Variants in XKR9 observed in about 807,000 individuals in gnomAD.
XKR9 encodes the protein XK-related protein 9.
A neutral mutation model predicts 32.0 loss-of-function variants in XKR9; 32 were observed. The ratio of observed to expected loss-of-function variants is 1.00; its 90% CI spans 0.76 to 1.34. The LOEUF is 1.34. Ranked by LOEUF, XKR9 falls within the 40% of genes most tolerant of loss-of-function variation. XKR9 has a pLI of 0.00. For synonymous variants in XKR9, 168 were observed against 143.4 expected (o/e 1.17, Z -1.22); for missense variants, 546 against 429.7 (o/e 1.27, Z -2.39).
At chr8:70,923,600 G>A in the XKR9 span, among the ~76,000 whole-genome samples, 1 of 152,224 alleles carries the variant, frequency 6.6e-6, no homozygotes, top group African/African-American at 2.4e-5. Context: ...ATGTGCAAAA[G>A]TAAGACGTTT....
chr8:70,874,816 T>A, the XKR9 span, among the ~76,000 whole-genome samples: 2 of 152,234 alleles, frequency 1.3e-5, no homozygotes, highest in Non-Finnish European at 2.9e-5. Context: ...TCCCTCATGA[T>A]AATAAAGTGG....
intron 2 of XKR9, among the ~76,000 whole-genome samples, chr8:70,756,944 G>A (rs1478783222): frequency 6.6e-6 from 1 of 152,176 alleles, no homozygotes; most frequent in Non-Finnish European, 1.5e-5. Context: ...GAAGCATCCA[G>A]TCTTGCACCA....
At chr8:70,672,748 C>G (rs1199521494) in intron 1 of XKR9, among the ~76,000 whole-genome samples, 1 of 152,046 alleles carries the variant, frequency 6.6e-6, no homozygotes, top group African/African-American at 2.4e-5. Context: ...TTTTTAATAA[C>G]AGCTATTCTA....
chr8:70,868,013 G>T, the XKR9 span, among the ~76,000 whole-genome samples: 8 of 152,186 alleles, frequency 5.3e-5, no homozygotes, highest in African/African-American at 1.4e-4. Flanking sequence ...CTCCAAAATG[G>T]TGTCTTTTGA....
At chr8:70,857,219 A>G in the XKR9 span, among the ~76,000 whole-genome samples, 1 of 152,204 alleles carries the variant, frequency 6.6e-6, no homozygotes, top group East Asian at 1.9e-4. Flanking sequence ...AAATTGATAG[A>G]CCACTAGCAA....
At chr8:70,832,318 C>A in the XKR9 span, among the ~76,000 whole-genome samples, 3 of 152,144 alleles carry the variant, frequency 2.0e-5, no homozygotes, top group Admixed American at 1.3e-4. Flanking sequence ...TTGAAGTTTT[C>A]TTTTCTTTCT....
intron 4 of XKR9, among the ~76,000 whole-genome samples, chr8:70,725,050 C>G (rs1806416520): frequency 6.6e-6 from 1 of 152,006 alleles, no homozygotes; most frequent in African/African-American, 2.4e-5. Flanking sequence ...TTACGTGGCA[C>G]CAGGAAGAAA....
chr8:70,981,196 C>A, the XKR9 span, among the ~76,000 whole-genome samples: 1 of 152,150 alleles, frequency 6.6e-6, no homozygotes, highest in African/African-American at 2.4e-5. Context: ...TCTAGCAAGG[C>A]CACAGAAGTT....
downstream of XKR9, among the ~76,000 whole-genome samples, chr8:70,793,435 A>G (rs140209844): frequency 4.3e-4 from 65 of 152,242 alleles, 1 homozygote; most frequent in South Asian, 5.2e-3. Flanking sequence ...GACCTGAGCT[A>G]GCATGCTCAG....
At chr8:70,842,604 G>A in the XKR9 span, among the ~76,000 whole-genome samples, 6 of 151,052 alleles carry the variant, frequency 4.0e-5, no homozygotes, top group Non-Finnish European at 8.8e-5. Context: ...ATCATGCTAA[G>A]TCCAATTCTG....
At chr8:70,733,625 T>C (rs11991273) in intron 4 of XKR9, among the ~76,000 whole-genome samples, 171 bp from the exon 5 acceptor site, 61,181 of 151,794 alleles carry the variant, frequency 0.4, 13,855 homozygotes, top group Non-Finnish European at 0.52. Flanking sequence ...TCTCTCCAAG[T>C]CTCAGTTCCC....
chr8:71,028,013 A>G, the XKR9 span, among the ~76,000 whole-genome samples: 1 of 152,160 alleles, frequency 6.6e-6, no homozygotes, highest in Admixed American at 6.5e-5. Context: ...GGTTCAAGTA[A>G]TCCTGCCACC....
At chr8:70,782,934 A>T (rs1807635976) in intron 2 of XKR9, among the ~76,000 whole-genome samples, 1 of 152,140 alleles carries the variant, frequency 6.6e-6, no homozygotes, top group Admixed American at 6.6e-5. Context: ...TGTTTGGGTA[A>T]ATACTCAGAA....
chr8:70,992,461 T>A, the XKR9 span, among the ~76,000 whole-genome samples: 1 of 152,178 alleles, frequency 6.6e-6, no homozygotes, highest in Non-Finnish European at 1.5e-5. Context: ...TTCCTTTGGA[T>A]TATTACTTCA....
At position 70,772,852 on chromosome 8, in the gene XKR9, A is replaced by G. The variant is rs543190611; in HGVS notation, n.353-16487A>G. 2.0e-5 allele frequency among the ~76,000 whole-genome samples: 3 copies of G among 152,302 alleles called. No homozygotes were observed. The East Asian group carries it at 5.8e-4, about 29-fold the overall frequency. On this transcript the variant is annotated intron_variant and non_coding_transcript_variant, in intron 2 of 3. Transcript: ENST00000520273. Reference sequence around the variant, plus strand: ...TCTTCCCAATTTTCTAGTTAGGTGTAAAGTAAAGGGGAGTGTTTGGTATAA... The same window carrying G: ...TCTTCCCAATTTTCTAGTTAGGTGTGAAGTAAAGGGGAGTGTTTGGTATAA...
At chr8:70,890,910 A>G in the XKR9 span, among the ~76,000 whole-genome samples, 1 of 151,910 alleles carries the variant, frequency 6.6e-6, no homozygotes. Flanking sequence ...TCTGCAGCAG[A>G]TCAATTAGTT....
At chr8:71,009,831 C>G in the XKR9 span, among the ~76,000 whole-genome samples, 1 of 152,270 alleles carries the variant, frequency 6.6e-6, no homozygotes. Context: ...ACTATTTTGC[C>G]TATCTTCTGT....
At chr8:70,853,232 A>G in the XKR9 span, among the ~76,000 whole-genome samples, 6 of 152,110 alleles carry the variant, frequency 3.9e-5, no homozygotes, top group Non-Finnish European at 8.8e-5. Context: ...GAATAGAAGA[A>G]TGGTTCTCAG....
At chr8:71,021,295 C>T in the XKR9 span, among the ~76,000 whole-genome samples, 2 of 152,070 alleles carry the variant, frequency 1.3e-5, no homozygotes, top group Non-Finnish European at 2.9e-5. Flanking sequence ...AGCATTTTTT[C>T]ATGTTTGTTG....
Sources: allele counts gnomAD v4.1 joint callset (sites outside exome capture counted in the v4.1 genomes callset), GRCh38; gene constraint gnomAD v4.1.1; transcripts MANE v1.5; gene names NCBI Gene and HGNC (gene_info 2026-07-23, HGNC 2026-07-21).